Variants in RALY observed in about 807,000 individuals in gnomAD.
The protein encoded by RALY is RNA-binding protein Raly.
In RALY, 15 loss-of-function variants were observed where a neutral mutation model predicts 30.7. The ratio of observed to expected loss-of-function variants is 0.49; its 90% CI spans 0.33 to 0.75. The LOEUF is 0.75. Ranked by LOEUF, RALY falls within the 30% of genes least tolerant of loss-of-function variation. The pLI is 0.02. For missense variants in RALY, 339 were observed against 414.3 expected (o/e 0.82, Z 1.58); for synonymous variants, 177 against 170.8 (o/e 1.04, Z -0.28).
chr20:34,042,600 A>C (rs763423335), intron 2 of RALY, among the ~76,000 whole-genome samples: 1 of 152,168 alleles, frequency 6.6e-6, no homozygotes, highest in Non-Finnish European at 1.5e-5. Context: ...TAGAGTGAGC[A>C]TGTGTCAGGT....
intron 2 of RALY, among the ~76,000 whole-genome samples, chr20:34,067,942 T>C (rs997599445): frequency 3.3e-5 from 5 of 151,100 alleles, no homozygotes; most frequent in African/African-American, 1.2e-4. Flanking sequence ...AGAAGACCCA[T>C]GGGGTAATCT....
In RALY at chr20:34,051,022, A is replaced by C. The variant is rs9974023; in HGVS notation, c.-10+19418A>C. Among the ~76,000 whole-genome samples, 326 of 152,220 alleles carry C rather than the reference A, an allele frequency of 2.1e-3. 1 individual carries two copies. Among genetic ancestry groups the C allele is most frequent in the African/African-American group, 7.6e-3 (315 of 41,514 alleles). The stretch of plus-strand genomic sequence containing the variant: ...CCTGATGAAAATTTTAAGGAGCACT[A>C]TTTGGGAAGGGATGACTGGGAACCT... On this transcript the variant is annotated intron_variant, in intron 2 of 9. Coordinates refer to ENST00000246194, the MANE Select transcript of RALY (RefSeq NM_016732.3).
intron 1 of RALY, among the ~76,000 whole-genome samples, chr20:34,013,413 CAAAAAA>C (rs34859292): frequency 2.4e-5 from 2 of 84,796 alleles, no homozygotes; most frequent in African/African-American, 3.3e-5. Flanking sequence ...GACCTTGTCT[CAAAAAA>C]AAAAAAAAAA....
At chr20:34,066,260 G>T (rs972823531) in intron 2 of RALY, among the ~76,000 whole-genome samples, 16 of 151,456 alleles carry the variant, frequency 1.1e-4, no homozygotes, top group Non-Finnish European at 2.2e-4. Flanking sequence ...AAGCAAAGGA[G>T]GGTGGATCAG....
chr20:33,993,974 GGGC>G lies in RALY; in HGVS notation c.-247_-245del, dbSNP rs2030439710. On this transcript the variant is annotated 5_prime_UTR_variant, in exon 1 of 10. Transcript: ENST00000246194. ...GCAGCGGAACCCAGAGAAGCTGAGG[GGGC>G]GGTAGCGGCGGCGACGGCGACGACG... The G allele has an allele frequency of 6.6e-6, 1 of 152,006 alleles. No individual in the cohort carries two copies. The highest frequency in any genetic ancestry group is 1.5e-5 in the Non-Finnish European group (1 of 67,970). The allele number at this position is 152,006 out of a possible 1,614,324, so 9.4% of individuals were successfully genotyped here.
intron 1 of RALY, among the ~76,000 whole-genome samples, chr20:33,998,555 G>A (rs2030751466): frequency 6.6e-6 from 1 of 152,204 alleles, no homozygotes; most frequent in Non-Finnish European, 1.5e-5. Flanking sequence ...TGCTTGAGGT[G>A]GGTGGATATG....
chr20:34,019,902 A>G (rs909490762), intron 1 of RALY, among the ~76,000 whole-genome samples: 1 of 152,070 alleles, frequency 6.6e-6, no homozygotes, highest in Non-Finnish European at 1.5e-5. Context: ...TCTACTAAAA[A>G]TACAAAAAAT....
Position 34,019,410 on chromosome 20 carries a change from A to G in RALY, c.-92-12112A>G, listed in dbSNP as rs932162325. Among the ~76,000 whole-genome samples, 11 of 152,210 alleles carry G rather than the reference A, an allele frequency of 7.2e-5. No individual in the cohort carries two copies. In the East Asian group the frequency reaches 1.9e-3, roughly 27 times the overall value. ...GCACAGGTGAGAGCAACCTAGTGAG[A>G]TGCCTGGTCTTGGCCTCTGCTTTAA... On this transcript the variant is annotated intron_variant, in intron 1 of 9. Transcript: ENST00000246194.
At chr20:34,070,482 C>T (rs1283086958) in intron 2 of RALY, among the ~76,000 whole-genome samples, 3 of 152,182 alleles carry the variant, frequency 2.0e-5, no homozygotes, top group African/African-American at 7.2e-5. Context: ...GCAGTCTCAT[C>T]TCTAAGCCAA....
In RALY at chr20:34,080,610, T is replaced by A. The variant is rs1178018369; in HGVS notation, c.*705T>A. On this transcript the variant is annotated 3_prime_UTR_variant, in exon 10 of 10. Transcript: ENST00000246194. The stretch of plus-strand genomic sequence containing the variant: ...TTCTGGCTTAGGACACTATAATTTT[T>A]TCATTTGGACGTTGTCCTCCCACCA... The A allele has an allele frequency of 6.6e-6, 1 of 152,382 alleles. No individual in the cohort carries two copies. Among genetic ancestry groups the A allele is most frequent in the African/African-American group, 2.4e-5 (1 of 41,438 alleles). The allele number at this position is 152,382 out of a possible 1,614,324, so 9.4% of individuals were successfully genotyped here.
intron 2 of RALY, among the ~76,000 whole-genome samples, chr20:34,062,663 T>C (rs1358249857): frequency 6.6e-6 from 1 of 152,258 alleles, no homozygotes; most frequent in African/African-American, 2.4e-5. Context: ...TTCCAACTTG[T>C]AATGGATGGC....
chr20:34,060,455 C>G (rs779377718), intron 2 of RALY, among the ~76,000 whole-genome samples: 1 of 152,284 alleles, frequency 6.6e-6, no homozygotes, highest in African/African-American at 2.4e-5. Flanking sequence ...AATACTTAAC[C>G]TGTAGCAGCA....
chr20:34,063,360 C>G (rs2033472182), intron 2 of RALY, among the ~76,000 whole-genome samples: 1 of 152,120 alleles, frequency 6.6e-6, no homozygotes, highest in Non-Finnish European at 1.5e-5. Flanking sequence ...TGGGAGCAAT[C>G]TAGTGGAATG....
chr20:34,053,963 G>A (rs577148359), intron 2 of RALY, among the ~76,000 whole-genome samples: 1 of 152,256 alleles, frequency 6.6e-6, no homozygotes, highest in South Asian at 2.1e-4. Flanking sequence ...TAGTCTCTGG[G>A]CTGCAGACTC....
chr20:34,076,135 A>AC, intron 6 of RALY, 95 bp downstream of exon 6: 2 of 1,409,006 alleles, frequency 1.4e-6, no homozygotes, highest in Non-Finnish European at 1.9e-6. Flanking sequence ...AGATAAAACA[A>AC]CAAGTCTTCC....
chr20:34,008,015 G>C (rs1260172203), intron 1 of RALY, among the ~76,000 whole-genome samples: 1 of 152,076 alleles, frequency 6.6e-6, no homozygotes, highest in Non-Finnish European at 1.5e-5. Context: ...GGGACTATGG[G>C]ATCCTTAATC....
chr20:34,021,053 C>T (rs1047684945), intron 1 of RALY, among the ~76,000 whole-genome samples: 27 of 152,106 alleles, frequency 1.8e-4, no homozygotes, highest in African/African-American at 5.6e-4. Context: ...CCTCCGCCTC[C>T]GGGGTTCAAG....
At chr20:34,059,124 C>T (rs769311533) in intron 2 of RALY, among the ~76,000 whole-genome samples, 1 of 152,000 alleles carries the variant, frequency 6.6e-6, no homozygotes, top group African/African-American at 2.4e-5. Context: ...AGAGGTCACC[C>T]GTTCCTTCCT....
chr20:34,054,669 T>C (rs997053231), intron 2 of RALY, among the ~76,000 whole-genome samples: 2 of 152,026 alleles, frequency 1.3e-5, no homozygotes, highest in Non-Finnish European at 2.9e-5. Context: ...CTACTAAAAA[T>C]ACAAAAATTA....
Sources: gnomAD v4.1 joint callset for allele counts (sites outside exome capture counted in the v4.1 genomes callset) on GRCh38, gnomAD v4.1.1 for gene constraint, MANE v1.5 for transcripts, NCBI Gene and HGNC (gene_info 2026-07-23, HGNC 2026-07-21) for gene names.